RABL2B: variants seen among roughly 807,000 people sequenced by gnomAD.
RABL2B encodes the protein rab-like protein 2B.
A neutral mutation model predicts 26.7 loss-of-function variants in RABL2B; 17 were observed. That is an observed-to-expected ratio of 0.64 (90% CI 0.44 to 0.95). The LOEUF (loss-of-function observed/expected upper bound fraction) is 0.95, where lower values mean the gene tolerates loss of function less well. Among genes scored for constraint, RABL2B ranks in the 40% least tolerant of loss-of-function variants. RABL2B has a pLI of 0.00. For missense variants in RABL2B, 170 were observed against 277.2 expected, an observed-to-expected ratio of 0.61 and a Z score of 2.75; for synonymous variants, 70 against 103.9, an observed-to-expected ratio of 0.67 and a Z score of 1.99.
chr22:50,780,608 C>T, intron 2 of RABL2B: 2 of 459,122 alleles, frequency 4.4e-6, no homozygotes, highest in South Asian at 3.2e-5. Context: ...TTCTCATGCA[C>T]TCACCTTCCC....
intron 5 of RABL2B, among the ~76,000 whole-genome samples, chr22:50,773,941 C>G (rs2084574788): frequency 6.6e-6 from 1 of 152,096 alleles, no homozygotes; most frequent in African/African-American, 2.4e-5. Context: ...GTCGCCGAGG[C>G]TGGAGTGCAG....
intron 2 of RABL2B, chr22:50,780,625 G>A (rs2085678129): frequency 6.4e-6 from 3 of 467,198 alleles, no homozygotes; most frequent in Admixed American, 2.4e-5. Context: ...TCCCTCAGAT[G>A]CACTGTTTCC....
intron 5 of RABL2B, chr22:50,770,398 T>A: frequency 3.5e-6 from 1 of 286,228 alleles, no homozygotes. Context: ...ATGCCTGTAA[T>A]CTCAGCTACT....
At chr22:50,773,586 C>G (rs1251760032) in intron 5 of RABL2B, among the ~76,000 whole-genome samples, 12 of 151,558 alleles carry the variant, frequency 7.9e-5, no homozygotes, top group African/African-American at 2.7e-4. Context: ...TCAGAGGAGG[C>G]TGCACGGAGG....
intron 3 of RABL2B, 22 bp downstream of exon 3, chr22:50,777,930 T>C (rs1569181926): frequency 6.2e-7 from 1 of 1,614,028 alleles, no homozygotes. Flanking sequence ...GAACAAGGGG[T>C]ACTTCAAACC....
chr22:50,771,026 G>A (rs1555918067), intron 5 of RABL2B, among the ~76,000 whole-genome samples: 1 of 149,790 alleles, frequency 6.7e-6, no homozygotes, highest in Non-Finnish European at 1.5e-5. Context: ...ACAAGTGTTA[G>A]CCATCACAAC....
intron 5 of RABL2B, among the ~76,000 whole-genome samples, chr22:50,770,915 T>A (rs9616967): frequency 0.048 from 6,480 of 134,890 alleles, 488 homozygotes; most frequent in East Asian, 0.18. Flanking sequence ...TTTTATTTTT[T>A]TTTTTTTGTA....
intron 5 of RABL2B, among the ~76,000 whole-genome samples, chr22:50,775,328 C>CGG (rs1227635869): frequency 6.6e-6 from 1 of 152,020 alleles, no homozygotes; most frequent in East Asian, 1.9e-4. Context: ...ATGGGAGGCT[C>CGG]GGGGGGAGGC....
chr22:50,775,779 C>T lies in RABL2B; in HGVS notation c.290G>A (p.Cys97Tyr). The T allele has an allele frequency of 6.2e-7, 1 of 1,614,170 alleles. No homozygotes were observed. The highest frequency in any genetic ancestry group is 8.5e-7 in the Non-Finnish European group (1 of 1,180,018). ...CTCCCCACCGTCTCGTACCATGATG[C>T]AGGCGTGGGCCTTGTGGTAGTAGGA... ...HASYYHKAHACIMVFDVQRKV... is the reference protein window; with the variant it reads ...HASYYHKAHAYIMVFDVQRKV... The change falls in exon 5 of 9, where the codon TGC becomes TAC. Residue 97 changes from cysteine (C) to tyrosine (Y), a missense_variant. Physicochemically the swap from Cys to Tyr is radical, Grantham distance 194. Coordinates refer to ENST00000691320, the MANE Select transcript of RABL2B (RefSeq NM_001130919.3).
chr22:50,779,564 C>T (rs553479755), intron 2 of RABL2B, among the ~76,000 whole-genome samples: 81 of 152,092 alleles, frequency 5.3e-4, no homozygotes, highest in Middle Eastern at 3.4e-3. Flanking sequence ...CCTTTGCCCT[C>T]TTTGCACAAC....
chr22:50,768,394 G>C lies in RABL2B; in HGVS notation c.*382C>G, dbSNP rs1265106677. 2 of 307,164 alleles carry C rather than the reference G, an allele frequency of 6.5e-6. No homozygotes were observed. The highest frequency in any genetic ancestry group is 1.2e-5 in the Non-Finnish European group (2 of 160,888). 19.0% of individuals were successfully genotyped at this position (307,164 alleles called of 1,614,324 possible). On this transcript the variant is annotated 3_prime_UTR_variant, in exon 9 of 9. Transcript: ENST00000691320. The stretch of plus-strand genomic sequence containing the variant: ...GAGAAGCCCAAGGAATTGTCCCCGA[G>C]GTGAGCTTTGGAAAGAAAACAAAAA...
intron 6 of RABL2B, 47 bp from the exon 7 acceptor site, chr22:50,769,599 A>G (rs1256843290): frequency 1.2e-6 from 2 of 1,613,042 alleles, no homozygotes; most frequent in Non-Finnish European, 1.7e-6. Context: ...AGGGAAGGGA[A>G]GAAGGTTTGG....
chr22:50,772,709 C>G (rs141011669), intron 5 of RABL2B: 1 of 1,047,618 alleles, frequency 9.5e-7, no homozygotes, highest in Non-Finnish European at 1.2e-6. Context: ...CAATGAATCA[C>G]CAGGTTGTCT....
At position 50,772,796 on chromosome 22, in the gene RABL2B, T is replaced by C. The variant is rs558058133; in HGVS notation, c.298-2780A>G. 21 of 1,126,894 alleles carry C rather than the reference T, an allele frequency of 1.9e-5. No individual in the cohort carries two copies. In the African/African-American group the frequency reaches 3.2e-4, roughly 17 times the overall value. The allele number at this position is 1,126,894 out of a possible 1,614,324, so 69.8% of individuals were successfully genotyped here. ...GAATCTGCCTCACACCAGGCTCAGA[T>C]GCCTTTTGTCCAGGTCTGGTTTCCT... On this transcript the variant is annotated intron_variant, in intron 5 of 8. Transcript: ENST00000691320.
intron 5 of RABL2B, among the ~76,000 whole-genome samples, chr22:50,774,147 G>A (rs140525465): frequency 0.072 from 10,907 of 152,160 alleles, 403 homozygotes; most frequent in African/African-American, 0.083. Context: ...CGCCCGCCTC[G>A]GCCTCCCAAA....
intron 6 of RABL2B, 141 bp from the exon 7 acceptor site, chr22:50,769,693 T>C: frequency 7.1e-7 from 1 of 1,412,288 alleles, no homozygotes; most frequent in Non-Finnish European, 9.7e-7. Context: ...AGAGCTCAGT[T>C]AATAGGGATC....
At chr22:50,780,489 G>A (rs565747954) in intron 2 of RABL2B, 31 of 324,304 alleles carry the variant, frequency 9.6e-5, no homozygotes, top group African/African-American at 7.0e-4. Flanking sequence ...CAGCCTGGAT[G>A]TGTTAACCTC....
chr22:50,772,586 G>C lies in RABL2B; in HGVS notation c.298-2570C>G, dbSNP rs1414657496. 3.0e-6 allele frequency: 3 copies of C among 999,244 alleles called. No individual in the cohort carries two copies. In the African/African-American group the frequency reaches 5.2e-5, roughly 17 times the overall value. 61.9% of individuals were successfully genotyped at this position (999,244 alleles called of 1,614,324 possible). ...ACCCAGCTATTTGTGCAAGCAACAC[G>C]GTTCAAGCTCAGGGCTAGGGGCTCG... On this transcript the variant is annotated intron_variant, in intron 5 of 8. Transcript: ENST00000691320.
chr22:50,773,410 G>A (rs1415276129), intron 5 of RABL2B, among the ~76,000 whole-genome samples: 21 of 152,212 alleles, frequency 1.4e-4, no homozygotes, highest in African/African-American at 5.1e-4. Context: ...CTCACCACTG[G>A]TATCTGTACT....
Sources: allele counts gnomAD v4.1 joint callset (sites outside exome capture counted in the v4.1 genomes callset), GRCh38; gene constraint gnomAD v4.1.1; transcripts MANE v1.5; gene names NCBI Gene and HGNC (gene_info 2026-07-23, HGNC 2026-07-21).